The following GTF2I variants were observed in gnomAD, a reference collection of about 807,000 sequenced individuals.
The protein encoded by GTF2I is general transcription factor IIi.
In GTF2I, 12 loss-of-function variants were observed where a neutral mutation model predicts 67.6. That is an observed-to-expected ratio of 0.18 (90% CI 0.11 to 0.29). The LOEUF (loss-of-function observed/expected upper bound fraction) is 0.29, where lower values mean the gene tolerates loss of function less well. Among genes scored for constraint, GTF2I ranks in the 10% least tolerant of loss-of-function variants. The pLI is 1.00. For synonymous variants in GTF2I, 149 were observed against 197.0 expected, an observed-to-expected ratio of 0.76 and a Z score of 2.04; for missense variants, 271 against 580.1, an observed-to-expected ratio of 0.47 and a Z score of 5.47.
At chr7:74,676,454 A>AAAAC (rs1470301188) in intron 1 of GTF2I, among the ~76,000 whole-genome samples, 1 of 152,102 alleles carries the variant, frequency 6.6e-6, no homozygotes, top group African/African-American at 2.4e-5. Context: ...CCTTATCTGA[A>AAAAC]AAACAAACAA....
At chr7:74,704,268 T>TTTTATTTATTTATTTATTTA (rs55926323) in intron 6 of GTF2I, among the ~76,000 whole-genome samples, 85 of 144,342 alleles carry the variant, frequency 5.9e-4, no homozygotes, top group Middle Eastern at 3.6e-3. Flanking sequence ...TAATTATTAT[T>TTTTATTTATTTATTTATTTA]TTTATTTATT....
intron 12 of GTF2I, among the ~76,000 whole-genome samples, chr7:74,726,083 CAT>C (rs1246401161): frequency 1.3e-5 from 2 of 152,118 alleles, no homozygotes; most frequent in South Asian, 2.1e-4. Flanking sequence ...TTTCCTTTCT[CAT>C]GTCATTCTAC....
chr7:74,690,007 A>G (rs1037282011), intron 2 of GTF2I, among the ~76,000 whole-genome samples: 21 of 151,984 alleles, frequency 1.4e-4, no homozygotes, highest in African/African-American at 5.1e-4. Flanking sequence ...TGAGGTCAGG[A>G]GTTCAAGACT....
intron 11 of GTF2I, among the ~76,000 whole-genome samples, chr7:74,717,945 G>C (rs1792462249): frequency 6.6e-6 from 1 of 152,184 alleles, no homozygotes; most frequent in Non-Finnish European, 1.5e-5. Context: ...TTGTGTGGGT[G>C]AATGTTGTAT....
chr7:74,721,301 A>G (rs1792960671), intron 12 of GTF2I, among the ~76,000 whole-genome samples: 1 of 152,164 alleles, frequency 6.6e-6, no homozygotes, highest in South Asian at 2.1e-4. Context: ...TCGGCTTCCC[A>G]AAGTGCTGGG....
At chr7:74,698,389 C>CTTTT (rs67968753) in intron 3 of GTF2I, among the ~76,000 whole-genome samples, 1 of 55,890 alleles carries the variant, frequency 1.8e-5, no homozygotes, top group Non-Finnish European at 2.9e-5. Flanking sequence ...CGCACCTGGC[C>CTTTT]TTTTTTTTTT....
chr7:74,705,142 AATT>A lies in GTF2I; in HGVS notation c.587-21_587-19del. 6.7e-7 allele frequency: 1 copy of A among 1,486,612 alleles called. No homozygotes were observed. The highest frequency in any genetic ancestry group is 9.4e-7 in the Non-Finnish European group (1 of 1,068,356). 92.1% of individuals were successfully genotyped at this position (1,486,612 alleles called of 1,614,324 possible). A position where few individuals can be genotyped will look rare whatever the true frequency, so the allele number is the denominator to read the frequency against. ...TTTGAAATGTTGAAAAACTAACTCC[AATT>A]TTTTTTTTTTGTATGTAGGTGGTCG... On this transcript the variant is annotated intron_variant, in intron 6 of 34. Coordinates refer to ENST00000573035, the MANE Select transcript of GTF2I (RefSeq NM_032999.4).
Position 74,704,244 on chromosome 7 carries a change from GT to G in GTF2I, c.587-912del, listed in dbSNP as rs782696424. ...TTTATGTTAAATTTCAGACTTAAAA[GT>G]TTTTTTTAAACTTAATTATTATTTT... is the stretch of plus-strand genomic sequence containing the variant. On this transcript the variant is annotated intron_variant, in intron 6 of 34. Coordinates refer to ENST00000573035, the MANE Select transcript of GTF2I (RefSeq NM_032999.4). 6.1e-5 allele frequency among the ~76,000 whole-genome samples: 9 copies of G among 148,370 alleles called. No homozygotes were observed. In the South Asian group the frequency reaches 6.5e-4, roughly 11 times the overall value.
At chr7:74,664,196 C>G (rs184308795) in intron 1 of GTF2I, among the ~76,000 whole-genome samples, 2 of 152,254 alleles carry the variant, frequency 1.3e-5, no homozygotes, top group East Asian at 3.9e-4. Context: ...TCTTCATTCT[C>G]CATTCTTGCC....
intron 12 of GTF2I, chr7:74,728,168 G>A (rs1302397983): frequency 6.6e-6 from 1 of 152,360 alleles, no homozygotes; most frequent in South Asian, 2.1e-4. Flanking sequence ...CGGGCGCGGT[G>A]GCGGGTGCCT....
intron 2 of GTF2I, among the ~76,000 whole-genome samples, chr7:74,690,237 C>T (rs1163056461): frequency 2.0e-5 from 3 of 151,770 alleles, no homozygotes; most frequent in African/African-American, 7.3e-5. Context: ...AAAAAGATGC[C>T]CATAAATATT....
At chr7:74,674,806 C>T (rs1432265756) in intron 1 of GTF2I, among the ~76,000 whole-genome samples, 1 of 151,854 alleles carries the variant, frequency 6.6e-6, no homozygotes, top group African/African-American at 2.4e-5. Flanking sequence ...CTCGGCCTCC[C>T]AAAGTGCTGG....
intron 8 of GTF2I, among the ~76,000 whole-genome samples, chr7:74,708,418 C>T (rs1791065917): frequency 6.6e-6 from 1 of 152,076 alleles, no homozygotes; most frequent in South Asian, 2.1e-4. Flanking sequence ...TGGCTGCCAC[C>T]CCATCAGCTT....
At chr7:74,666,422 G>A (rs1405805612) in intron 1 of GTF2I, among the ~76,000 whole-genome samples, 1 of 152,170 alleles carries the variant, frequency 6.6e-6, no homozygotes, top group African/African-American at 2.4e-5. Flanking sequence ...AGAGGAGGAC[G>A]ATGGCATGTA....
chr7:74,701,344 T>C (rs1201825390), intron 6 of GTF2I, among the ~76,000 whole-genome samples: 1 of 152,182 alleles, frequency 6.6e-6, no homozygotes, highest in Non-Finnish European at 1.5e-5. Context: ...AAAAATTATA[T>C]ATACATAAAC....
At chr7:74,675,560 G>C (rs890974090) in intron 1 of GTF2I, among the ~76,000 whole-genome samples, 2 of 151,942 alleles carry the variant, frequency 1.3e-5, no homozygotes, top group Admixed American at 6.6e-5. Flanking sequence ...TTTTTTTTGG[G>C]GGGGGCAGAA....
At chr7:74,700,758 GT>G in intron 6 of GTF2I, 124 bp downstream of exon 6, 1 of 921,694 alleles carries the variant, frequency 1.1e-6, no homozygotes, top group Non-Finnish European at 1.8e-6. Flanking sequence ...CGGATGGGCT[GT>G]TTAGATGTTT....
chr7:74,711,246 C>A lies in GTF2I; in HGVS notation c.763+137C>A, dbSNP rs75095532. 2,380 of 470,438 alleles carry A rather than the reference C, an allele frequency of 5.1e-3. 47 individuals are homozygous for A. The highest frequency in any genetic ancestry group is 0.044 in the African/African-American group (2,148 of 48,440). 29.1% of individuals were successfully genotyped at this position (470,438 alleles called of 1,614,324 possible). On this transcript the variant is annotated intron_variant, in intron 9 of 34. Coordinates refer to ENST00000573035, the MANE Select transcript of GTF2I (RefSeq NM_032999.4). The stretch of plus-strand genomic sequence containing the variant: ...ATTGACATATATATTGTAATTCAGT[C>A]CCGGGGATAAAACATTTAAAAATGG...
intron 3 of GTF2I, among the ~76,000 whole-genome samples, 162 bp downstream of exon 3, chr7:74,691,273 C>T (rs1267047505): frequency 6.7e-6 from 1 of 149,892 alleles, no homozygotes; most frequent in African/African-American, 2.5e-5. Context: ...GTGGCACACT[C>T]TTGGCTCACC....
Sources: gnomAD v4.1 joint callset for allele counts (sites outside exome capture counted in the v4.1 genomes callset) on GRCh38, gnomAD v4.1.1 for gene constraint, MANE v1.5 for transcripts, NCBI Gene and HGNC (gene_info 2026-07-23, HGNC 2026-07-21) for gene names.